TRPM3: variants seen among roughly 807,000 people sequenced by gnomAD.
The protein encoded by TRPM3 is long transient receptor potential channel 3.
In TRPM3, 77 loss-of-function variants were observed where a neutral mutation model predicts 181.2. The ratio of observed to expected loss-of-function variants is 0.42; its 90% CI spans 0.35 to 0.51. The LOEUF (loss-of-function observed/expected upper bound fraction) is 0.51, where lower values mean the gene tolerates loss of function less well. TRPM3 is among the 20% of genes least tolerant of loss of function. The pLI is 0.01. For missense variants in TRPM3, 1,759 were observed against 2,196.7 expected (o/e 0.80, Z 3.98); for synonymous variants, 745 against 796.4 (o/e 0.94, Z 1.09).
Position 70,965,602 on chromosome 9 carries a change from C to T in TRPM3, c.178-101091G>A, listed in dbSNP as rs186137021. ...CATTTATTGATTTGTGTATGTTGAA[C>T]CAACCTTGCATCCCAGGGATAAGGC... On this transcript the variant is annotated intron_variant, in intron 1 of 25. Transcript: ENST00000677713. Among the ~76,000 whole-genome samples the T allele has an allele frequency of 2.7e-3, 418 of 152,162 alleles. 3 individuals are homozygous for T. Among genetic ancestry groups the T allele is most frequent in the African/African-American group, 9.2e-3 (383 of 41,540 alleles).
intron 1 of TRPM3, among the ~76,000 whole-genome samples, chr9:71,164,010 T>C (rs928329774): frequency 2.6e-5 from 4 of 152,124 alleles, no homozygotes; most frequent in Non-Finnish European, 4.4e-5. Context: ...TTCAGAAGTA[T>C]TAGCTGGGAC....
At chr9:71,222,312 A>T (rs1424312353) in intron 1 of TRPM3, among the ~76,000 whole-genome samples, 1 of 152,154 alleles carries the variant, frequency 6.6e-6, no homozygotes, top group Non-Finnish European at 1.5e-5. Flanking sequence ...CAAACACCAA[A>T]CGTTCTTGTC....
At chr9:70,898,130 T>C (rs1319736042) in intron 1 of TRPM3, among the ~76,000 whole-genome samples, 11 of 151,846 alleles carry the variant, frequency 7.2e-5, no homozygotes, top group Non-Finnish European at 1.5e-5. Flanking sequence ...TTTTTTTTTT[T>C]TGGTGGCTGG....
At chr9:71,130,602 C>G (rs1191968493) in intron 1 of TRPM3, among the ~76,000 whole-genome samples, 1 of 152,072 alleles carries the variant, frequency 6.6e-6, no homozygotes, top group East Asian at 1.9e-4. Flanking sequence ...AATGAAGGTA[C>G]CAAAGATGAA....
At chr9:71,275,576 T>C (rs2084138755) in intron 1 of TRPM3, among the ~76,000 whole-genome samples, 1 of 152,114 alleles carries the variant, frequency 6.6e-6, no homozygotes, top group Non-Finnish European at 1.5e-5. Context: ...TTCTATAATA[T>C]GTAGGGAATT....
chr9:70,806,630 C>T (rs1161252477), intron 6 of TRPM3, among the ~76,000 whole-genome samples: 1 of 151,832 alleles, frequency 6.6e-6, no homozygotes, highest in Non-Finnish European at 1.5e-5. Flanking sequence ...GCGGGGGTTG[C>T]AGTGAGCTGA....
chr9:70,951,878 G>A (rs547251446), intron 1 of TRPM3, among the ~76,000 whole-genome samples: 13 of 152,306 alleles, frequency 8.5e-5, no homozygotes, highest in African/African-American at 2.9e-4. Context: ...TAGAATTTCT[G>A]ATCAACTGAA....
At chr9:71,160,150 CTT>C (rs1188139699) in intron 1 of TRPM3, among the ~76,000 whole-genome samples, 4 of 152,140 alleles carry the variant, frequency 2.6e-5, no homozygotes, top group Admixed American at 2.6e-4. Context: ...CCTTGTAACT[CTT>C]TTCCTGGAGC....
intron 1 of TRPM3, among the ~76,000 whole-genome samples, chr9:71,271,413 A>G (rs1197785950): frequency 6.6e-6 from 1 of 152,118 alleles, no homozygotes; most frequent in Non-Finnish European, 1.5e-5. Context: ...TGTTCAATAA[A>G]TAACTGTTTA....
chr9:70,888,362 G>GGTGTGTGTGTGT (rs71367235), intron 1 of TRPM3, among the ~76,000 whole-genome samples: 28 of 143,730 alleles, frequency 1.9e-4, no homozygotes, highest in Admixed American at 3.5e-4. Flanking sequence ...TTTATTTTGG[G>GGTGTGTGTGTGT]GTGTGTGTGT....
At chr9:71,060,582 T>C (rs923209970) in intron 1 of TRPM3, among the ~76,000 whole-genome samples, 2 of 152,164 alleles carry the variant, frequency 1.3e-5, no homozygotes, top group Admixed American at 1.3e-4. Context: ...ACCTTTTATT[T>C]ACTGTGCAAT....
chr9:70,828,044 A>G (rs2131691133), intron 5 of TRPM3, 26 bp from the exon 6 acceptor site: 1 of 1,592,796 alleles, frequency 6.3e-7, no homozygotes, highest in East Asian at 2.2e-5. Flanking sequence ...TGGAAGAGGC[A>G]GAAGTCAGAA....
intron 1 of TRPM3, among the ~76,000 whole-genome samples, chr9:71,277,327 T>G (rs982200085): frequency 1.3e-5 from 2 of 152,204 alleles, no homozygotes; most frequent in East Asian, 3.8e-4. Flanking sequence ...CTGAGTAACG[T>G]GTACGTAGTT....
At chr9:71,290,725 A>G (rs145753560) in intron 1 of TRPM3, among the ~76,000 whole-genome samples, 374 of 152,262 alleles carry the variant, frequency 2.5e-3, no homozygotes, top group African/African-American at 8.4e-3. Context: ...CAATTATACA[A>G]GTCAGGAAGA....
At chr9:71,395,752 T>C (rs929555176) in intron 1 of TRPM3, among the ~76,000 whole-genome samples, 1 of 152,252 alleles carries the variant, frequency 6.6e-6, no homozygotes, top group African/African-American at 2.4e-5. Flanking sequence ...TCACGGAATG[T>C]GCTCTCCTGG....
chr9:71,094,736 G>A (rs1326479520), intron 1 of TRPM3, among the ~76,000 whole-genome samples: 3 of 152,074 alleles, frequency 2.0e-5, no homozygotes, highest in Non-Finnish European at 4.4e-5. Flanking sequence ...ACAGTGCCTG[G>A]CACAGTGACT....
chr9:71,093,467 CAACA>C (rs1427984446), intron 1 of TRPM3, among the ~76,000 whole-genome samples: 1 of 142,080 alleles, frequency 7.0e-6, no homozygotes, highest in African/African-American at 2.5e-5. Flanking sequence ...TTTATGCAGC[CAACA>C]GACATATAAA....
At position 70,878,999 on chromosome 9, in the gene TRPM3, A is replaced by G. The variant is rs990830802; in HGVS notation, c.178-14488T>C. 2.0e-5 allele frequency among the ~76,000 whole-genome samples: 3 copies of G among 152,140 alleles called. 1 individual carries two copies. The highest frequency in any genetic ancestry group is 1.3e-4 in the Admixed American group (2 of 15,258). Reference sequence around the variant, plus strand: ...CAATAACAGTTTTATAGCTATTGCAATATGTCATACATTGGTCTAATTATT... The same window carrying G: ...CAATAACAGTTTTATAGCTATTGCAGTATGTCATACATTGGTCTAATTATT... On this transcript the variant is annotated intron_variant, in intron 1 of 25. Transcript: ENST00000677713.
intron 6 of TRPM3, among the ~76,000 whole-genome samples, chr9:70,798,486 A>T (rs888577756): frequency 6.6e-6 from 1 of 151,966 alleles, no homozygotes; most frequent in African/African-American, 2.4e-5. Flanking sequence ...TTATGATCCC[A>T]TTTTTTTAAA....
Sources: allele counts gnomAD v4.1 joint callset (sites outside exome capture counted in the v4.1 genomes callset), GRCh38; gene constraint gnomAD v4.1.1; transcripts MANE v1.5; gene names NCBI Gene and HGNC (gene_info 2026-07-23, HGNC 2026-07-21).